The following TBXAS1 variants were observed in gnomAD, a reference collection of about 807,000 sequenced individuals.
The protein encoded by TBXAS1 is thromboxane-A synthase.
A neutral mutation model predicts 60.7 loss-of-function variants in TBXAS1; 48 were observed. The ratio of observed to expected loss-of-function variants is 0.79; its 90% CI spans 0.63 to 1.01. TBXAS1 has a LOEUF of 1.01. TBXAS1 is among the 50% of genes least tolerant of loss of function. The probability of loss-of-function intolerance (pLI) is 0.00; values close to 1 mark genes in which losing one functional copy is unlikely to be tolerated. For synonymous variants in TBXAS1, 287 were observed against 269.7 expected, an observed-to-expected ratio of 1.06 and a Z score of -0.63; for missense variants, 685 against 686.3, an observed-to-expected ratio of 1.00 and a Z score of 0.02.
chr7:139,948,085 G>A (rs2014454), intron 5 of TBXAS1, among the ~76,000 whole-genome samples: 97,336 of 151,894 alleles, frequency 0.64, 31,418 homozygotes, highest in East Asian at 0.74. Flanking sequence ...GGCTAGTCTT[G>A]AACTCCTGAC....
intron 1 of TBXAS1, among the ~76,000 whole-genome samples, chr7:139,863,398 C>T (rs1025277768): frequency 4.1e-4 from 63 of 152,096 alleles, no homozygotes; most frequent in African/African-American, 1.4e-3. Flanking sequence ...AGATTATAAG[C>T]GGTTCCTTAG....
chr7:140,000,992 G>A (rs1000425092), intron 9 of TBXAS1, among the ~76,000 whole-genome samples: 1 of 152,200 alleles, frequency 6.6e-6, no homozygotes, highest in Non-Finnish European at 1.5e-5. Context: ...TACAGACGAG[G>A]GGTCCTGTAG....
rs143794665 is a variant in TBXAS1, at chr7:139,800,521, A to T, written c.-80+13095A>T. Among the ~76,000 whole-genome samples, 953 of 151,940 alleles carry T rather than the reference A, an allele frequency of 6.3e-3. 17 individuals are homozygous for T. Among genetic ancestry groups the T allele is most frequent in the African/African-American group, 0.022 (893 of 41,444 alleles). ...ATTCCCACTTCCCGCCACTATTCTT[A>T]TTACCTGTTTATTTCCTTCATACCT... is the stretch of plus-strand genomic sequence containing the variant. On this transcript the variant is annotated intron_variant, in intron 4 of 16. Coordinates refer to the TBXAS1 transcript ENST00000336425.
At chr7:139,888,622 T>C (rs1487722767) in intron 3 of TBXAS1, among the ~76,000 whole-genome samples, 3 of 152,168 alleles carry the variant, frequency 2.0e-5, no homozygotes, top group Non-Finnish European at 4.4e-5. Flanking sequence ...TGTGTGCTCA[T>C]TGGGAAAGGT....
At chr7:139,812,783 A>T (rs1413812394) in intron 4 of TBXAS1, among the ~76,000 whole-genome samples, 1 of 152,144 alleles carries the variant, frequency 6.6e-6, no homozygotes, top group Non-Finnish European at 1.5e-5. Flanking sequence ...GAAGCCAAGC[A>T]CGGTGACTCA....
chr7:139,865,593 GGAGGAGGAGGAA>G, intron 1 of TBXAS1, among the ~76,000 whole-genome samples: 2 of 77,138 alleles, frequency 2.6e-5, no homozygotes, highest in Non-Finnish European at 5.7e-5. Flanking sequence ...AGAAGGAGGA[GGAGGAGGAGGAA>G]GAGGAGGAGG....
At chr7:139,954,026 TTC>T (rs1425175840) in intron 6 of TBXAS1, among the ~76,000 whole-genome samples, 2 of 152,186 alleles carry the variant, frequency 1.3e-5, no homozygotes, top group Admixed American at 1.3e-4. Context: ...GTTTTTTTTT[TTC>T]TCATCAGCTA....
Position 140,013,084 on chromosome 7 carries a change from CAAAA to C in TBXAS1, c.1227-2625_1227-2622del, listed in dbSNP as rs10591254. 1.0e-3 allele frequency among the ~76,000 whole-genome samples: 118 copies of C among 114,596 alleles called. No individual in the cohort carries two copies. Among genetic ancestry groups the C allele is most frequent in the African/African-American group, 3.2e-3 (109 of 34,544 alleles). 75.2% of individuals were successfully genotyped at this position (114,596 alleles called of 152,430 possible). A position where few individuals can be genotyped will look rare whatever the true frequency, so the allele number is the denominator to read the frequency against. On this transcript the variant is annotated intron_variant, in intron 10 of 12. Transcript: ENST00000448866. This position sits in a 1 kb window ranked among gnomAD's most constrained non-coding sequence, Gnocchi z 4.2. ...TGGGCAACAGAGCGAGACTCCATCT[CAAAA>C]AAAAAAAAAAAAAGAAATTGGGGCA... is the stretch of plus-strand genomic sequence containing the variant.
At chr7:139,992,423 T>C (rs1004054421) in intron 9 of TBXAS1, among the ~76,000 whole-genome samples, 1 of 152,156 alleles carries the variant, frequency 6.6e-6, no homozygotes, top group African/African-American at 2.4e-5. Context: ...GGAGGGCCAC[T>C]CTCTTGGGTC....
chr7:139,851,043 C>T (rs1717310097), intron 1 of TBXAS1, among the ~76,000 whole-genome samples: 1 of 152,200 alleles, frequency 6.6e-6, no homozygotes, highest in Non-Finnish European at 1.5e-5. Flanking sequence ...TCCTTGCTCC[C>T]GTTGGTCTTA....
At chr7:139,831,664 G>A (rs2116492530) in intron 1 of TBXAS1, among the ~76,000 whole-genome samples, 1 of 152,342 alleles carries the variant, frequency 6.6e-6, no homozygotes, top group South Asian at 2.1e-4. Context: ...GGGCGCGGTG[G>A]CTCATGCCTA....
chr7:140,010,654 T>C (rs982835255), intron 10 of TBXAS1, among the ~76,000 whole-genome samples: 1 of 152,310 alleles, frequency 6.6e-6, no homozygotes, highest in South Asian at 2.1e-4. Context: ...GTGCTGGTGT[T>C]TGCTATCAGC....
In TBXAS1 at chr7:139,919,012, G is replaced by A. The variant is rs538018500; in HGVS notation, c.333+7691G>A. Among the ~76,000 whole-genome samples, 63 of 152,032 alleles carry A rather than the reference G, an allele frequency of 4.1e-4. No individual in the cohort carries two copies. The South Asian group carries it at 0.013, about 32-fold the overall frequency. On this transcript the variant is annotated intron_variant, in intron 4 of 12. Coordinates refer to ENST00000448866, the MANE Select transcript of TBXAS1 (RefSeq NM_001061.7). ...TTTTTATACTCTATTTTTAGTAAAA[G>A]GGACACCTTTACTATTTCAAACCAC...
intron 9 of TBXAS1, among the ~76,000 whole-genome samples, chr7:139,973,705 A>G (rs1811373961): frequency 6.6e-6 from 1 of 152,172 alleles, no homozygotes; most frequent in Non-Finnish European, 1.5e-5. Context: ...GAAGGTTTAT[A>G]AAGTTAATCA....
intron 10 of TBXAS1, among the ~76,000 whole-genome samples, chr7:140,009,249 T>G (rs1814331515): frequency 6.6e-6 from 1 of 152,170 alleles, no homozygotes; most frequent in Admixed American, 6.5e-5. Flanking sequence ...CTGGGTGAAG[T>G]AGTTAGAATT....
chr7:139,786,051 G>GT lies in TBXAS1; in HGVS notation c.-168-1277dup, dbSNP rs539047086. Among the ~76,000 whole-genome samples, 726 of 139,654 alleles carry GT rather than the reference G, an allele frequency of 5.2e-3. 2 individuals carry two copies. Among genetic ancestry groups the GT allele is most frequent in the South Asian group, 0.013 (56 of 4,278 alleles). 91.6% of individuals were successfully genotyped at this position (139,654 alleles called of 152,430 possible). ...ATTTTTTCCTATCTAGTATTAGAGGGTTTTTTTTTTGTTTGTTTGTTTTTT... is the reference window on the plus strand; with the variant it reads ...ATTTTTTCCTATCTAGTATTAGAGGGTTTTTTTTTTTGTTTGTTTGTTTTTT... On this transcript the variant is annotated intron_variant, in intron 3 of 16. Coordinates refer to the TBXAS1 transcript ENST00000336425.
chr7:139,986,799 GTATATATATATATATA>G (rs58751653), intron 9 of TBXAS1, among the ~76,000 whole-genome samples: 29 of 82,654 alleles, frequency 3.5e-4, no homozygotes, highest in Non-Finnish European at 5.0e-4. Flanking sequence ...GTGTGTGTGT[GTATATATATATATATA>G]TACACCATAG....
Position 139,906,612 on chromosome 7 carries a change from C to T in TBXAS1, c.237-4613C>T, listed in dbSNP as rs116803892. On this transcript the variant is annotated intron_variant, in intron 3 of 12. Transcript: ENST00000448866. ...TGATTTAGTTATTTTAAGTTCTTTG[C>T]CTTTCCATATAAGTTTTGGAATAAG... 9.2e-3 allele frequency among the ~76,000 whole-genome samples: 1,394 copies of T among 152,178 alleles called. 15 individuals carry two copies. Among genetic ancestry groups the T allele is most frequent in the South Asian group, 0.028 (133 of 4,818 alleles).
At chr7:139,920,846 A>G (rs1470309054) in intron 4 of TBXAS1, among the ~76,000 whole-genome samples, 1 of 152,230 alleles carries the variant, frequency 6.6e-6, no homozygotes, top group Non-Finnish European at 1.5e-5. Context: ...GCAGTAGGAC[A>G]GACCTCCTCT....
Sources: allele counts gnomAD v4.1 joint callset (sites outside exome capture counted in the v4.1 genomes callset), GRCh38; gene constraint gnomAD v4.1.1; non-coding constraint Gnocchi (gnomAD v3.1); transcripts MANE v1.5; gene names NCBI Gene and HGNC (gene_info 2026-07-23, HGNC 2026-07-21).